The following CMTM4 variants were observed in gnomAD, a reference collection of about 807,000 sequenced individuals.
The protein encoded by CMTM4 is CKLF-like MARVEL transmembrane domain-containing protein 4.
CMTM4 carries 8 observed loss-of-function variants against 19.0 expected under a neutral mutation model. The ratio of observed to expected loss-of-function variants is 0.42; its 90% confidence interval spans 0.25 to 0.76. The LOEUF is 0.76. Among genes scored for constraint, CMTM4 ranks in the 30% least tolerant of loss-of-function variants. The pLI, the probability that CMTM4 is intolerant of heterozygous loss-of-function variation, is 0.27. For synonymous variants in CMTM4, 106 were observed against 121.1 expected (o/e 0.88, Z 0.82); for missense variants, 228 against 290.2 (o/e 0.79, Z 1.56).
At chr16:66,646,958 C>T (rs1321858269) in intron 1 of CMTM4, among the ~76,000 whole-genome samples, 2 of 151,814 alleles carry the variant, frequency 1.3e-5, no homozygotes, top group Admixed American at 6.6e-5. Context: ...CTACCCACTT[C>T]GGCCTCCCAA....
In CMTM4 at chr16:66,619,850, T is replaced by C; in HGVS notation, c.*2208A>G. On this transcript the variant is annotated 3_prime_UTR_variant, in exon 4 of 4. Transcript: ENST00000394106. ...CAGGGACATAAATAATTCTGAAGAG[T>C]CTATCACGAAGATGCAAATTAACTC... is the stretch of plus-strand genomic sequence containing the variant. The C allele has an allele frequency of 6.1e-6, 6 of 985,102 alleles. No individual in the cohort carries two copies. Among genetic ancestry groups the C allele is most frequent in the Non-Finnish European group, 7.2e-6 (6 of 829,858 alleles). The allele number at this position is 985,102 out of a possible 1,614,324, so 61.0% of individuals were successfully genotyped here.
rs966975143 is a variant in CMTM4 at position 66,615,600 on chromosome 16, C to CG, written c.*6457dup. 8 of 152,494 alleles carry CG rather than the reference C, an allele frequency of 5.2e-5. No homozygotes were observed. The highest frequency in any genetic ancestry group is 1.0e-4 in the Non-Finnish European group (7 of 68,146). 9.4% of individuals were successfully genotyped at this position (152,494 alleles called of 1,614,324 possible). A position where few individuals can be genotyped will look rare whatever the true frequency, so the allele number is the denominator to read the frequency against. Reference sequence around the variant, plus strand: ...AGATCCGAGTGGAAGATGAGAGCCCCGGAGCTGGCTGAGGTCCCCCAGGAA... The same window carrying CG: ...AGATCCGAGTGGAAGATGAGAGCCCCGGGAGCTGGCTGAGGTCCCCCAGGAA... On this transcript the variant is annotated 3_prime_UTR_variant, in exon 4 of 4. Transcript: ENST00000394106. The surrounding 1 kb of genome is among the most constrained non-coding windows in gnomAD (Gnocchi z 4.9).
At chr16:66,638,052 G>A (rs1028595118) in intron 1 of CMTM4, among the ~76,000 whole-genome samples, 7 of 152,148 alleles carry the variant, frequency 4.6e-5, no homozygotes, top group African/African-American at 1.7e-4. Flanking sequence ...GCTTTCCAAT[G>A]CTCCACTTGA....
At chr16:66,646,193 G>A (rs1035562273) in intron 1 of CMTM4, among the ~76,000 whole-genome samples, 5 of 152,218 alleles carry the variant, frequency 3.3e-5, no homozygotes, top group Admixed American at 2.0e-4. Flanking sequence ...GCATATTTGT[G>A]TTTACAAACA....
At chr16:66,637,628 AATAGAT>A (rs1270643255) in intron 1 of CMTM4, among the ~76,000 whole-genome samples, 3 of 152,358 alleles carry the variant, frequency 2.0e-5, no homozygotes, top group Admixed American at 1.3e-4. Context: ...CATAAAATCA[AATAGAT>A]ATTGATAGAA....
chr16:66,617,167 T>C lies in CMTM4; in HGVS notation c.*4891A>G. On this transcript the variant is annotated 3_prime_UTR_variant, in exon 4 of 4. Coordinates refer to ENST00000394106, the MANE Select transcript of CMTM4 (RefSeq NM_181521.3). ...AAGAAAACACGCCACCCCAGGTGTC[T>C]AGATAGCAAGTCACCTGAATTAAAG... 9.0e-7 allele frequency: 1 copy of C among 1,105,674 alleles called. No homozygotes were observed. Among genetic ancestry groups the C allele is most frequent in the Non-Finnish European group, 1.3e-6 (1 of 762,906 alleles). 68.5% of individuals were successfully genotyped at this position (1,105,674 alleles called of 1,614,324 possible).
intron 2 of CMTM4, among the ~76,000 whole-genome samples, chr16:66,635,554 C>G (rs1262287020): frequency 6.6e-6 from 1 of 152,148 alleles, no homozygotes; most frequent in East Asian, 1.9e-4. Context: ...CGTGTGGCTT[C>G]TGTGTGGCTC....
In CMTM4 at chr16:66,618,529, C is replaced by G. The variant is rs111682953; in HGVS notation, c.*3529G>C. 5 of 985,480 alleles carry G rather than the reference C, an allele frequency of 5.1e-6. No individual in the cohort carries two copies. The East Asian group carries it at 4.5e-4, about 89-fold the overall frequency. 61.0% of individuals were successfully genotyped at this position (985,480 alleles called of 1,614,324 possible). A position where few individuals can be genotyped will look rare whatever the true frequency, so the allele number is the denominator to read the frequency against. On this transcript the variant is annotated 3_prime_UTR_variant, in exon 4 of 4. Coordinates refer to ENST00000394106, the MANE Select transcript of CMTM4 (RefSeq NM_181521.3). ...CCTCTCAGAGCACATGGATAGGTGA[C>G]GGGTTTCTCATGTGAATCTACAAGA...
At chr16:66,628,865 T>C (rs572146941) in intron 2 of CMTM4, among the ~76,000 whole-genome samples, 2 of 152,344 alleles carry the variant, frequency 1.3e-5, no homozygotes, top group South Asian at 2.1e-4. Context: ...CATCAGTTGA[T>C]GGACATTTAT....
chr16:66,605,027 G>C, the CMTM4 span: 1 of 1,302,048 alleles, frequency 7.7e-7, no homozygotes, highest in Non-Finnish European at 9.9e-7. The surrounding 1 kb of genome is among the most constrained non-coding windows in gnomAD (Gnocchi z 4.6). Context: ...CGGGGCGCGG[G>C]TGGGGTCCGG....
intron 1 of CMTM4, among the ~76,000 whole-genome samples, chr16:66,670,112 T>A (rs1290143197): frequency 6.6e-6 from 1 of 152,094 alleles, no homozygotes; most frequent in Non-Finnish European, 1.5e-5. Flanking sequence ...GGCTAAAGCA[T>A]AACAAAGCAT....
chr16:66,659,772 C>T (rs561472725), intron 1 of CMTM4, among the ~76,000 whole-genome samples: 19 of 151,850 alleles, frequency 1.3e-4, no homozygotes, highest in Non-Finnish European at 2.4e-4. Context: ...TAAAATATTA[C>T]AACAAAAAAG....
chr16:66,601,091 G>C, the CMTM4 span, among the ~76,000 whole-genome samples: 1 of 148,594 alleles, frequency 6.7e-6, no homozygotes, highest in Non-Finnish European at 1.5e-5. Context: ...GTTTGTGTGT[G>C]TGTGTGTGTG....
At chr16:66,652,566 A>C (rs1222145193) in intron 1 of CMTM4, among the ~76,000 whole-genome samples, 1 of 152,212 alleles carries the variant, frequency 6.6e-6, no homozygotes, top group Non-Finnish European at 1.5e-5. Context: ...TTTTTTGGCA[A>C]GATTCTCACC....
chr16:66,607,319 T>A, the CMTM4 span, among the ~76,000 whole-genome samples: 238 of 152,342 alleles, frequency 1.6e-3, no homozygotes, highest in Middle Eastern at 6.8e-3. Context: ...ATTCTTGTAG[T>A]TCAAGTACAG....
At chr16:66,612,350 G>A (rs1228533320), downstream of CMTM4, among the ~76,000 whole-genome samples, 1 of 152,160 alleles carries the variant, frequency 6.6e-6, no homozygotes, top group Non-Finnish European at 1.5e-5. This position sits in a 1 kb window ranked among gnomAD's most constrained non-coding sequence, Gnocchi z 6.0. Flanking sequence ...ACTCCAGCCT[G>A]GGTGATGAGC....
intron 1 of CMTM4, among the ~76,000 whole-genome samples, chr16:66,684,182 T>G (rs2016992606): frequency 1.3e-5 from 2 of 152,194 alleles, no homozygotes; most frequent in East Asian, 3.9e-4. Context: ...CCCTCTTTTT[T>G]TCGTTTTTGA....
downstream of CMTM4, chr16:66,612,609 A>G: frequency 1.2e-6 from 2 of 1,613,990 alleles, no homozygotes; most frequent in Non-Finnish European, 1.7e-6. This position sits in a 1 kb window ranked among gnomAD's most constrained non-coding sequence, Gnocchi z 6.0. Context: ...TTCCTTTCAG[A>G]AGAGAATTCC....
At chr16:66,661,121 G>A (rs907655128) in intron 1 of CMTM4, among the ~76,000 whole-genome samples, 6 of 152,130 alleles carry the variant, frequency 3.9e-5, no homozygotes, top group African/African-American at 1.4e-4. Context: ...TCAGGTGAAG[G>A]GCCACTTAAG....
Sources: allele counts gnomAD v4.1 joint callset (sites outside exome capture counted in the v4.1 genomes callset), GRCh38; gene constraint gnomAD v4.1.1; non-coding constraint Gnocchi (gnomAD v3.1); transcripts MANE v1.5; gene names NCBI Gene and HGNC (gene_info 2026-07-23, HGNC 2026-07-21).